Variants in TMEM178B observed in about 807,000 individuals in gnomAD.
TMEM178B encodes transmembrane protein 178B.
In TMEM178B, 5 loss-of-function variants were observed where a neutral mutation model predicts 31.0. The observed-to-expected ratio is 0.16, with a 90% CI of 0.08 to 0.34. The LOEUF (loss-of-function observed/expected upper bound fraction) is 0.34. Among genes scored for constraint, TMEM178B ranks in the 10% least tolerant of loss-of-function variants. The probability of loss-of-function intolerance (pLI) is 1.00; values close to 1 mark genes in which losing one functional copy is unlikely to be tolerated. For missense variants in TMEM178B, 275 were observed against 400.3 expected, an observed-to-expected ratio of 0.69 and a Z score of 2.67; for synonymous variants, 164 against 164.0, an observed-to-expected ratio of 1.00 and a Z score of 0.00.
At chr7:141,258,403 C>T (rs1797962425) in intron 2 of TMEM178B, among the ~76,000 whole-genome samples, 1 of 152,164 alleles carries the variant, frequency 6.6e-6, no homozygotes. Flanking sequence ...TTTTGGGCCA[C>T]ATTCAAAGGT....
rs555631646 is a variant in TMEM178B, at chr7:141,242,148, CTT to C, written c.496+29448_496+29449del. On this transcript the variant is annotated intron_variant, in intron 2 of 3. Coordinates refer to ENST00000565468, the MANE Select transcript of TMEM178B (RefSeq NM_001195278.2). ...GCTCCTATTAATAGAACTGGTTTAT[CTT>C]TTTGAAATAAGATTAACTTTGAAGC... 5.5e-3 allele frequency among the ~76,000 whole-genome samples: 842 copies of C among 152,246 alleles called. 12 individuals carry two copies. The highest frequency in any genetic ancestry group is 0.018 in the African/African-American group (762 of 41,530).
At chr7:141,324,686 A>G (rs1371274060) in intron 2 of TMEM178B, among the ~76,000 whole-genome samples, 1 of 151,958 alleles carries the variant, frequency 6.6e-6, no homozygotes. Flanking sequence ...GGATTTCCTC[A>G]TCATATTTTT....
At chr7:141,455,134 C>G (rs1801940177) in intron 3 of TMEM178B, among the ~76,000 whole-genome samples, 1 of 152,182 alleles carries the variant, frequency 6.6e-6, no homozygotes, top group African/African-American at 2.4e-5. Context: ...ATTTAGTGCT[C>G]TGATCTTGAT....
At chr7:141,156,422 C>T (rs1476865247) in intron 1 of TMEM178B, among the ~76,000 whole-genome samples, 1 of 152,160 alleles carries the variant, frequency 6.6e-6, no homozygotes, top group Non-Finnish European at 1.5e-5. Flanking sequence ...TGCAAAGTCC[C>T]TTGGGAAAAA....
At chr7:141,333,646 C>G (rs1271303240) in intron 2 of TMEM178B, among the ~76,000 whole-genome samples, 2 of 152,302 alleles carry the variant, frequency 1.3e-5, no homozygotes, top group South Asian at 2.1e-4. Flanking sequence ...TGGGCCAGAG[C>G]TGACCCAGAC....
chr7:141,498,379 C>G, the TMEM178B span, among the ~76,000 whole-genome samples: 6,100 of 152,308 alleles, frequency 0.04, 391 homozygotes, highest in African/African-American at 0.13. Flanking sequence ...TGAGTCTGCC[C>G]TGTGGCCTTC....
At chr7:141,136,532 A>G (rs1012077605) in intron 1 of TMEM178B, among the ~76,000 whole-genome samples, 1 of 152,236 alleles carries the variant, frequency 6.6e-6, no homozygotes, top group Non-Finnish European at 1.5e-5. Flanking sequence ...TGATAGAACT[A>G]TATTAAACTA....
At chr7:141,185,032 C>T (rs949646777) in intron 1 of TMEM178B, among the ~76,000 whole-genome samples, 13 of 152,198 alleles carry the variant, frequency 8.5e-5, no homozygotes, top group Admixed American at 6.5e-5. Flanking sequence ...TTGCACCCCT[C>T]GCAGGATGTG....
chr7:141,095,017 T>C (rs1453108769), intron 1 of TMEM178B, among the ~76,000 whole-genome samples: 2 of 152,250 alleles, frequency 1.3e-5, no homozygotes, highest in African/African-American at 4.8e-5. Flanking sequence ...ATATAGAAAT[T>C]ACGGTCACAA....
At chr7:141,464,243 T>C (rs1802111966) in intron 3 of TMEM178B, among the ~76,000 whole-genome samples, 1 of 152,194 alleles carries the variant, frequency 6.6e-6, no homozygotes, top group Non-Finnish European at 1.5e-5. Flanking sequence ...TTCAAGACTC[T>C]ACTCCTGTGG....
At chr7:141,452,835 C>A (rs564103809) in intron 3 of TMEM178B, among the ~76,000 whole-genome samples, 16 of 152,326 alleles carry the variant, frequency 1.1e-4, no homozygotes, top group Non-Finnish European at 2.1e-4. Flanking sequence ...CTAAAGTACA[C>A]TTACATCATT....
chr7:141,235,118 A>G (rs1797507089), intron 2 of TMEM178B, among the ~76,000 whole-genome samples: 1 of 152,194 alleles, frequency 6.6e-6, no homozygotes, highest in South Asian at 2.1e-4. Context: ...ATTGGCCTCT[A>G]TGGCGAATGG....
intron 2 of TMEM178B, among the ~76,000 whole-genome samples, chr7:141,411,208 A>G (rs1181725): frequency 3.4e-5 from 5 of 146,142 alleles, no homozygotes; most frequent in Admixed American, 2.7e-4. Context: ...TTTTACTCGA[A>G]TAAAATAAAA....
chr7:141,333,308 C>G (rs908923720), intron 2 of TMEM178B, among the ~76,000 whole-genome samples: 1 of 152,208 alleles, frequency 6.6e-6, no homozygotes, highest in Non-Finnish European at 1.5e-5. Flanking sequence ...CAGCATCAGC[C>G]CTTTGTCACA....
At chr7:141,362,279 GC>G (rs1487195958) in intron 2 of TMEM178B, among the ~76,000 whole-genome samples, 7 of 152,342 alleles carry the variant, frequency 4.6e-5, no homozygotes, top group Admixed American at 4.6e-4. Context: ...CCCCACCAGG[GC>G]CATTTGCTGG....
rs10280774 is a variant in TMEM178B, at chr7:141,472,674, A to G, written c.*1888A>G. 0.83 allele frequency: 125,983 copies of G among 152,236 alleles called. 52,430 individuals carry two copies. Among genetic ancestry groups the G allele is most frequent in the Middle Eastern group, 0.85 (251 of 294 alleles). 9.4% of individuals were successfully genotyped at this position (152,236 alleles called of 1,614,324 possible). A position where few individuals can be genotyped will look rare whatever the true frequency, so the allele number is the denominator to read the frequency against. Reference sequence around the variant, plus strand: ...AGCAGCCTTTCTTCCACTGCTGTGTAATCTGTTTCATTTACACGTCTTCCA... The same window carrying G: ...AGCAGCCTTTCTTCCACTGCTGTGTGATCTGTTTCATTTACACGTCTTCCA... On this transcript the variant is annotated 3_prime_UTR_variant, in exon 4 of 4. Coordinates refer to ENST00000565468, the MANE Select transcript of TMEM178B (RefSeq NM_001195278.2).
chr7:141,149,390 A>G (rs905116696), intron 1 of TMEM178B, among the ~76,000 whole-genome samples: 4 of 152,168 alleles, frequency 2.6e-5, no homozygotes, highest in African/African-American at 9.7e-5. Context: ...ACTAAAAAAA[A>G]TACAAAAATT....
chr7:141,119,076 G>C (rs1001514736), intron 1 of TMEM178B, among the ~76,000 whole-genome samples: 5 of 152,134 alleles, frequency 3.3e-5, no homozygotes, highest in Non-Finnish European at 7.4e-5. Flanking sequence ...GGACTGGAAG[G>C]GGCATGGGAG....
intron 2 of TMEM178B, among the ~76,000 whole-genome samples, chr7:141,303,519 A>G (rs1453660434): frequency 1.3e-5 from 2 of 152,198 alleles, no homozygotes; most frequent in African/African-American, 4.8e-5. Context: ...CCCAAACCTG[A>G]CGAGCTGCGT....
Sources: allele counts gnomAD v4.1 joint callset (sites outside exome capture counted in the v4.1 genomes callset), GRCh38; gene constraint gnomAD v4.1.1; transcripts MANE v1.5; gene names NCBI Gene and HGNC (gene_info 2026-07-23, HGNC 2026-07-21).